TMPRSS15: variants seen among roughly 807,000 people sequenced by gnomAD.
TMPRSS15 encodes the protein enteropeptidase.
TMPRSS15 carries 128 observed loss-of-function variants against 125.3 expected under a neutral mutation model. The ratio of observed to expected loss-of-function variants is 1.02; its 90% CI spans 0.89 to 1.18. The LOEUF (loss-of-function observed/expected upper bound fraction) is 1.18. Among genes scored for constraint, TMPRSS15 ranks in the 50% most tolerant of loss-of-function variants. The probability of loss-of-function intolerance (pLI) is 0.00; values close to 1 mark genes in which losing one functional copy is unlikely to be tolerated. For synonymous variants in TMPRSS15, 446 were observed against 423.2 expected, an observed-to-expected ratio of 1.05 and a Z score of -0.66; for missense variants, 1,283 against 1,212.7, an observed-to-expected ratio of 1.06 and a Z score of -0.86.
chr21:18,269,737 C>A lies in TMPRSS15; in HGVS notation c.*232G>T. On this transcript the variant is annotated 3_prime_UTR_variant, in exon 25 of 25. Coordinates refer to ENST00000284885, the MANE Select transcript of TMPRSS15 (RefSeq NM_002772.3). The stretch of plus-strand genomic sequence containing the variant: ...AGATCTGTGAAGAAATACCTGTTCA[C>A]AATGAAATACAAATGTATTTAATGG... 1 of 464,874 alleles carries A rather than the reference C, an allele frequency of 2.2e-6. No individual in the cohort carries two copies. Among genetic ancestry groups the A allele is most frequent in the Non-Finnish European group, 3.9e-6 (1 of 259,334 alleles). 28.8% of individuals were successfully genotyped at this position (464,874 alleles called of 1,614,324 possible).
At chr21:18,352,124 C>T (rs1291548161) in intron 10 of TMPRSS15, among the ~76,000 whole-genome samples, 1 of 151,990 alleles carries the variant, frequency 6.6e-6, no homozygotes, top group Non-Finnish European at 1.5e-5. Flanking sequence ...GTAACTCTCA[C>T]TTCAGTGATT....
At chr21:18,279,776 T>A (rs185229824) in intron 22 of TMPRSS15, among the ~76,000 whole-genome samples, 409 of 152,266 alleles carry the variant, frequency 2.7e-3, no homozygotes, top group African/African-American at 9.5e-3. Context: ...TCAGCATCAA[T>A]TAATAGAAAT....
chr21:18,281,232 T>G lies in TMPRSS15; in HGVS notation c.2487-11A>C. The G allele has an allele frequency of 6.2e-7, 1 of 1,613,210 alleles. No homozygotes were observed. Among genetic ancestry groups the G allele is most frequent in the Non-Finnish European group, 8.5e-7 (1 of 1,179,426 alleles). Reference sequence around the variant, plus strand: ...GGCTCTAAGTTTCTCCTGAAAATTGTAATGAAGAAATATGAGACACTCTCC... The same window carrying G: ...GGCTCTAAGTTTCTCCTGAAAATTGGAATGAAGAAATATGAGACACTCTCC... On this transcript the variant is annotated splice_polypyrimidine_tract_variant and intron_variant, in intron 21 of 24. Coordinates refer to ENST00000284885, the MANE Select transcript of TMPRSS15 (RefSeq NM_002772.3).
chr21:18,278,025 G>A (rs965913865), intron 23 of TMPRSS15, among the ~76,000 whole-genome samples: 1 of 152,106 alleles, frequency 6.6e-6, no homozygotes, highest in Middle Eastern at 3.2e-3. Context: ...TGATGCTGGG[G>A]GTGAATGGTG....
chr21:18,395,050 C>T (rs1312228462), intron 3 of TMPRSS15, among the ~76,000 whole-genome samples: 1 of 152,262 alleles, frequency 6.6e-6, no homozygotes, highest in Non-Finnish European at 1.5e-5. Context: ...AGTTAACGAA[C>T]ACTTTAACCT....
intron 1 of TMPRSS15, among the ~76,000 whole-genome samples, chr21:18,410,913 T>G (rs1344298105): frequency 6.6e-6 from 1 of 152,154 alleles, no homozygotes; most frequent in Non-Finnish European, 1.5e-5. Context: ...TTAATATAGA[T>G]GTTATAAAAC....
intron 17 of TMPRSS15, among the ~76,000 whole-genome samples, chr21:18,313,660 G>A (rs1009550508): frequency 2.0e-5 from 3 of 151,720 alleles, no homozygotes; most frequent in African/African-American, 7.3e-5. Context: ...TTTTTCTTAA[G>A]AGCATGATGG....
chr21:18,397,299 AC>A (rs2123121179), intron 3 of TMPRSS15, among the ~76,000 whole-genome samples: 1 of 152,276 alleles, frequency 6.6e-6, no homozygotes, highest in Non-Finnish European at 1.5e-5. Flanking sequence ...TGTGACAAAT[AC>A]AAAAGCTAAT....
intron 7 of TMPRSS15, among the ~76,000 whole-genome samples, chr21:18,362,736 C>T (rs1479625107): frequency 6.6e-6 from 1 of 152,032 alleles, no homozygotes; most frequent in Non-Finnish European, 1.5e-5. Context: ...TAATATGTGG[C>T]TAAGCACTTT....
chr21:18,343,935 A>G lies in TMPRSS15; in HGVS notation c.1277+20T>C. 1.2e-6 allele frequency: 2 copies of G among 1,604,254 alleles called. No homozygotes were observed. The highest frequency in any genetic ancestry group is 1.7e-6 in the Non-Finnish European group (2 of 1,171,080). On this transcript the variant is annotated intron_variant, in intron 11 of 24. Transcript: ENST00000284885. ...TACCCATTAAAAAAGACAGCGTTTA[A>G]ACAGGTGTCTACAACATACCAGAAA... is the stretch of plus-strand genomic sequence containing the variant.
chr21:18,369,349 A>C (rs909187788), intron 6 of TMPRSS15, among the ~76,000 whole-genome samples: 1 of 152,214 alleles, frequency 6.6e-6, no homozygotes, highest in Admixed American at 6.5e-5. Flanking sequence ...TGAGGCATAC[A>C]AACTATGAGA....
chr21:18,294,647 T>G lies in TMPRSS15; in HGVS notation c.2267A>C (p.Gln756Pro), dbSNP rs1335253498. ...CCGAATCAAGGAATCCTGTAAACAC[T>G]GTTGACTGTAATAGAAGAACAATCA... ...DGHLILTPSQ[Q>P]CLQDSLIRLQ... The change falls in exon 20 of 25, where the codon CAG (glutamine) becomes CCG (proline). Residue 756 changes from glutamine to proline, a missense_variant. Coordinates refer to ENST00000284885, the MANE Select transcript of TMPRSS15 (RefSeq NM_002772.3). 6.2e-7 allele frequency: 1 copy of G among 1,610,168 alleles called. No individual in the cohort carries two copies. The highest frequency in any genetic ancestry group is 8.5e-7 in the Non-Finnish European group (1 of 1,176,422).
intron 1 of TMPRSS15, among the ~76,000 whole-genome samples, chr21:18,432,701 C>G (rs1601460780): frequency 6.6e-6 from 1 of 152,244 alleles, no homozygotes; most frequent in Middle Eastern, 3.4e-3. Flanking sequence ...TTCAGAGAGA[C>G]CACAGCCCGG....
At chr21:18,401,783 T>C (rs1446638605) in intron 1 of TMPRSS15, among the ~76,000 whole-genome samples, 1 of 152,230 alleles carries the variant, frequency 6.6e-6, no homozygotes, top group Non-Finnish European at 1.5e-5. Flanking sequence ...CTCTGATGTA[T>C]TGGTAAAGCA....
chr21:18,319,709 G>A (rs1005216271), intron 16 of TMPRSS15, among the ~76,000 whole-genome samples: 5 of 152,164 alleles, frequency 3.3e-5, no homozygotes, highest in African/African-American at 4.8e-5. Flanking sequence ...GATTACAGGC[G>A]TGAGCCACCG....
chr21:18,332,105 T>A lies in TMPRSS15; in HGVS notation c.1633A>T (p.Ser545Cys), dbSNP rs8134187. The change falls in exon 14 of 25, where the codon AGC becomes TGC. Residue 545 changes from serine to cysteine, a missense_variant. Transcript: ENST00000284885. ...TTFSSTNFPN[S>C]YPNLAFCVWI... ...TCACAGAAAGCCAGATTAGGGTAGC[T>A]GTTTGGAAAGTTCGTAGAACTGAAT... 9.2e-3 allele frequency: 14,806 copies of A among 1,613,954 alleles called. 1,183 individuals carry two copies. The African/African-American group carries it at 0.17, about 19-fold the overall frequency.
chr21:18,297,214 A>G (rs2074917400), intron 19 of TMPRSS15, among the ~76,000 whole-genome samples: 1 of 152,234 alleles, frequency 6.6e-6, no homozygotes, highest in African/African-American at 2.4e-5. Flanking sequence ...AGTAAACCTA[A>G]TATCAAAAAG....
chr21:18,286,915 C>G (rs967937502), intron 21 of TMPRSS15, among the ~76,000 whole-genome samples: 3 of 152,172 alleles, frequency 2.0e-5, no homozygotes, highest in Non-Finnish European at 4.4e-5. Flanking sequence ...TACCCCAGAG[C>G]ATCAGAGTTT....
chr21:18,340,559 T>A (rs1157092537), intron 13 of TMPRSS15, among the ~76,000 whole-genome samples: 1 of 152,232 alleles, frequency 6.6e-6, no homozygotes, highest in African/African-American at 2.4e-5. Flanking sequence ...TCCTATGAGT[T>A]CTGTCCCTCT....
Sources: allele counts gnomAD v4.1 joint callset (sites outside exome capture counted in the v4.1 genomes callset), GRCh38; gene constraint gnomAD v4.1.1; transcripts MANE v1.5; gene names NCBI Gene and HGNC (gene_info 2026-07-23, HGNC 2026-07-21).